Variants in IDE observed in about 807,000 individuals in gnomAD.
IDE encodes insulin-degrading enzyme.
A neutral mutation model predicts 133.2 loss-of-function variants in IDE; 58 were observed. The observed-to-expected ratio is 0.44, with a 90% CI of 0.35 to 0.54. The LOEUF (loss-of-function observed/expected upper bound fraction) is 0.54, where lower values mean the gene tolerates loss of function less well. Among genes scored for constraint, IDE ranks in the 20% least tolerant of loss-of-function variants. The pLI, the probability that IDE is intolerant of heterozygous loss-of-function variation, is 0.00. For synonymous variants in IDE, 396 were observed against 421.3 expected, an observed-to-expected ratio of 0.94 and a Z score of 0.73; for missense variants, 981 against 1,234.0, an observed-to-expected ratio of 0.79 and a Z score of 3.07.
At position 92,453,794 on chromosome 10, in the gene IDE, T is replaced by C. The variant is rs963954062; in HGVS notation, c.*650A>G. The C allele has an allele frequency of 6.6e-6, 1 of 152,148 alleles. No homozygotes were observed. Among genetic ancestry groups the C allele is most frequent in the African/African-American group, 2.4e-5 (1 of 41,436 alleles). The allele number at this position is 152,148 out of a possible 1,614,324, so 9.4% of individuals were successfully genotyped here. Reference sequence around the variant, plus strand: ...TGAGAAATTCGGTTTAGGACAAAATTGATGTAAGGTAAGTCTGTATTTCTA... The same window carrying C: ...TGAGAAATTCGGTTTAGGACAAAATCGATGTAAGGTAAGTCTGTATTTCTA... On this transcript the variant is annotated 3_prime_UTR_variant, in exon 25 of 25. Coordinates refer to ENST00000265986, the MANE Select transcript of IDE (RefSeq NM_004969.4).
chr10:92,538,165 C>T (rs548716498), intron 1 of IDE, among the ~76,000 whole-genome samples: 18 of 152,292 alleles, frequency 1.2e-4, no homozygotes, highest in East Asian at 7.7e-4. Flanking sequence ...TGAGCCACTA[C>T]GCCCCGACCT....
chr10:92,522,773 T>C (rs2135601052), intron 4 of IDE, among the ~76,000 whole-genome samples: 3 of 152,304 alleles, frequency 2.0e-5, no homozygotes, highest in Admixed American at 2.0e-4. Flanking sequence ...TCATGTAAGA[T>C]GGAAATATGA....
chr10:92,548,080 C>T (rs969240247), intron 1 of IDE, among the ~76,000 whole-genome samples: 20 of 152,082 alleles, frequency 1.3e-4, no homozygotes, highest in Non-Finnish European at 2.2e-4. Flanking sequence ...TCAGATGAGG[C>T]CAGGCGCGAT....
chr10:92,486,326 G>A (rs1162225809), intron 13 of IDE, among the ~76,000 whole-genome samples: 1 of 151,852 alleles, frequency 6.6e-6, no homozygotes, highest in African/African-American at 2.4e-5. Context: ...CTCCAGCCTG[G>A]GCAACAAGAA....
chr10:92,493,104 G>A (rs761013494), intron 11 of IDE, among the ~76,000 whole-genome samples: 7 of 152,154 alleles, frequency 4.6e-5, no homozygotes, highest in African/African-American at 1.7e-4. Context: ...CTATTATTGC[G>A]TCAGAAGGAA....
At chr10:92,524,830 G>C (rs1334614912) in intron 4 of IDE, among the ~76,000 whole-genome samples, 1 of 151,848 alleles carries the variant, frequency 6.6e-6, no homozygotes, top group Non-Finnish European at 1.5e-5. Context: ...GCTGAGGCAG[G>C]AGAATTGCTT....
intron 7 of IDE, 69 bp downstream of exon 7, chr10:92,508,659 C>G: frequency 7.0e-7 from 1 of 1,420,054 alleles, no homozygotes; most frequent in Non-Finnish European, 9.9e-7. Context: ...GGACACTATT[C>G]AGGAGAAAAT....
chr10:92,539,457 G>A (rs1248560893), intron 1 of IDE, among the ~76,000 whole-genome samples: 1 of 152,104 alleles, frequency 6.6e-6, no homozygotes, highest in Admixed American at 6.6e-5. Flanking sequence ...ACTTGAAACT[G>A]AAAAGCCATT....
At chr10:92,508,308 A>C in intron 7 of IDE, 103 bp from the exon 8 acceptor site, 3 of 873,186 alleles carry the variant, frequency 3.4e-6, no homozygotes, top group Non-Finnish European at 5.5e-6. Context: ...AAGATATCAG[A>C]ATGAACCTCT....
intron 1 of IDE, among the ~76,000 whole-genome samples, chr10:92,569,219 T>C (rs1843682523): frequency 6.8e-6 from 1 of 147,484 alleles, no homozygotes; most frequent in Non-Finnish European, 1.5e-5. Context: ...TTGGTAAGTC[T>C]GACTGGAGAA....
At chr10:92,503,431 CA>C (rs1027439364) in intron 11 of IDE, among the ~76,000 whole-genome samples, 14 of 152,074 alleles carry the variant, frequency 9.2e-5, no homozygotes, top group Non-Finnish European at 1.5e-4. Flanking sequence ...CTTGGCTTCC[CA>C]AAAAATAGAA....
chr10:92,531,109 T>C (rs556737866), intron 4 of IDE, among the ~76,000 whole-genome samples: 1 of 152,346 alleles, frequency 6.6e-6, no homozygotes, highest in South Asian at 2.1e-4. Flanking sequence ...AGACAGACTT[T>C]GTGTTTCTGC....
At position 92,508,209 on chromosome 10, in the gene IDE, C is replaced by T; in HGVS notation, c.1061-4G>A. On this transcript the variant is annotated splice_region_variant and splice_polypyrimidine_tract_variant and intron_variant, in intron 7 of 24. Transcript: ENST00000265986. Reference sequence around the variant, plus strand: ...CCAACAAGAGTATTAACCCAGCCTGCAACATTCAAAGGAAATCAATACGAT... The same window carrying T: ...CCAACAAGAGTATTAACCCAGCCTGTAACATTCAAAGGAAATCAATACGAT... The T allele has an allele frequency of 1.9e-6, 3 of 1,609,354 alleles. No individual in the cohort carries two copies. The highest frequency in any genetic ancestry group is 2.5e-6 in the Non-Finnish European group (3 of 1,177,808).
At chr10:92,496,793 A>G (rs1847729001) in intron 11 of IDE, among the ~76,000 whole-genome samples, 1 of 152,222 alleles carries the variant, frequency 6.6e-6, no homozygotes, top group South Asian at 2.1e-4. Context: ...CTCAAAAAAT[A>G]TAAAAATAAA....
At chr10:92,480,390 G>A (rs980165382) in intron 14 of IDE, among the ~76,000 whole-genome samples, 1 of 152,196 alleles carries the variant, frequency 6.6e-6, no homozygotes, top group African/African-American at 2.4e-5. Flanking sequence ...CTAGCTAGAG[G>A]GGACACATAA....
At position 92,501,362 on chromosome 10, in the gene IDE, TAAAAAAAAAAAA is replaced by T. The variant is rs55861862; in HGVS notation, c.1430+3420_1430+3431del. ...GGGCAACAGAGCAAGACTCTGTCAT[TAAAAAAAAAAAA>T]AAAAAAAAAAAAAAAAAGCCGGTGC... On this transcript the variant is annotated intron_variant, in intron 11 of 24. Transcript: ENST00000265986. Among the ~76,000 whole-genome samples, 16 of 19,234 alleles carry T rather than the reference TAAAAAAAAAAAA, an allele frequency of 8.3e-4. No homozygotes were observed. In the East Asian group the frequency reaches 0.014, roughly 17 times the overall value. The allele number at this position is 19,234 out of a possible 152,430, so 12.6% of individuals were successfully genotyped here. A position where few individuals can be genotyped will look rare whatever the true frequency, so the allele number is the denominator to read the frequency against.
intron 11 of IDE, among the ~76,000 whole-genome samples, chr10:92,504,309 A>G (rs545717282): frequency 4.2e-4 from 64 of 152,252 alleles, no homozygotes; most frequent in African/African-American, 1.4e-3. Context: ...CTCTGCTACT[A>G]TAAGAGTTTG....
intron 1 of IDE, among the ~76,000 whole-genome samples, chr10:92,540,696 C>G (rs533648435): frequency 3.9e-5 from 6 of 152,064 alleles, no homozygotes; most frequent in Non-Finnish European, 8.8e-5. Flanking sequence ...AAACTTCTGT[C>G]CAAACCACAA....
intron 18 of IDE, 152 bp from the exon 19 acceptor site, chr10:92,469,142 G>T: frequency 1.7e-6 from 1 of 595,578 alleles, no homozygotes; most frequent in Non-Finnish European, 3.0e-6. Context: ...TTGTCAGTAT[G>T]GTCATTTTGC....
Sources: allele counts gnomAD v4.1 joint callset (sites outside exome capture counted in the v4.1 genomes callset), GRCh38; gene constraint gnomAD v4.1.1; transcripts MANE v1.5; gene names NCBI Gene and HGNC (gene_info 2026-07-23, HGNC 2026-07-21).